OGDH: variants seen among roughly 807,000 people sequenced by gnomAD.
OGDH encodes oxoglutarate dehydrogenase.
Under a neutral mutation model 116.6 loss-of-function variants are expected in OGDH, and 38 were observed. That is an observed-to-expected ratio of 0.33 (90% CI 0.25 to 0.43). OGDH has a LOEUF of 0.43. OGDH is among the 20% of genes least tolerant of loss of function. The pLI is 1.00. For synonymous variants in OGDH, 488 were observed against 533.3 expected, an observed-to-expected ratio of 0.92 and a Z score of 1.17; for missense variants, 825 against 1,357.2, an observed-to-expected ratio of 0.61 and a Z score of 6.16.
chr7:44,628,980 T>C (rs1284553836), intron 2 of OGDH, among the ~76,000 whole-genome samples: 1 of 152,196 alleles, frequency 6.6e-6, no homozygotes, highest in Non-Finnish European at 1.5e-5. Context: ...TCTGTTCTAG[T>C]CTGGCATTTG....
chr7:44,694,362 A>C lies in OGDH; in HGVS notation c.1516-62A>C. On this transcript the variant is annotated intron_variant, in intron 11 of 22. Coordinates refer to ENST00000222673, the MANE Select transcript of OGDH (RefSeq NM_002541.4). The surrounding 1 kb of genome is among the most constrained non-coding windows in gnomAD (Gnocchi z 4.2). ...CTAGGAGAGATGGGGCAGGTGCCTG[A>C]ACAGCACTTCTTCCCAAGGGGCCAG... The C allele has an allele frequency of 6.3e-7, 1 of 1,593,250 alleles. No individual in the cohort carries two copies. Among genetic ancestry groups the C allele is most frequent in the Non-Finnish European group, 8.5e-7 (1 of 1,169,876 alleles).
intron 1 of OGDH, among the ~76,000 whole-genome samples, chr7:44,617,387 C>G (rs1784847398): frequency 2.0e-5 from 3 of 152,086 alleles, no homozygotes. Flanking sequence ...CACGTGGTCT[C>G]TGTTGGCCCA....
intron 2 of OGDH, among the ~76,000 whole-genome samples, chr7:44,643,265 T>C (rs1786030348): frequency 6.6e-6 from 1 of 152,168 alleles, no homozygotes; most frequent in African/African-American, 2.4e-5. Context: ...CACATGCTAC[T>C]ACACCCAGCT....
intron 1 of OGDH, among the ~76,000 whole-genome samples, chr7:44,619,801 A>G (rs1413338368): frequency 6.6e-6 from 1 of 152,016 alleles, no homozygotes; most frequent in Non-Finnish European, 1.5e-5. Flanking sequence ...TTGCTGTGTT[A>G]TATGGTGACT....
intron 1 of OGDH, among the ~76,000 whole-genome samples, chr7:44,616,806 TGC>T (rs1562610855): frequency 1.2e-5 from 1 of 80,844 alleles, no homozygotes; most frequent in Non-Finnish European, 2.6e-5. Flanking sequence ...TGTATATATA[TGC>T]ATATATACGT....
intron 18 of OGDH, among the ~76,000 whole-genome samples, chr7:44,699,545 A>G (rs946656035): frequency 4.6e-5 from 7 of 152,028 alleles, no homozygotes; most frequent in African/African-American, 1.7e-4. Context: ...GCTGGGCAAT[A>G]GCTTTCAGAG....
rs187726998 is a variant in OGDH at position 44,658,738 on chromosome 7, C to T, written c.518-7998C>T. 2.0e-5 allele frequency among the ~76,000 whole-genome samples: 3 copies of T among 152,030 alleles called. No homozygotes were observed. In the East Asian group the frequency reaches 5.8e-4, roughly 29 times the overall value. Reference sequence around the variant, plus strand: ...TGCTCTTTATCAAGCTGAGGAAGTTCCTCTGTATTCATATTTTTTCTGATA... The same window carrying T: ...TGCTCTTTATCAAGCTGAGGAAGTTTCTCTGTATTCATATTTTTTCTGATA... On this transcript the variant is annotated intron_variant, in intron 4 of 22. Transcript: ENST00000222673.
intron 10 of OGDH, among the ~76,000 whole-genome samples, chr7:44,682,121 G>A (rs572352441): frequency 1.6e-4 from 25 of 152,270 alleles, no homozygotes; most frequent in African/African-American, 6.0e-4. Context: ...GTGGCCGGGT[G>A]CAGTGGCTCA....
chr7:44,645,581 GGGCCCTATT>G (rs1786137720), intron 3 of OGDH, 63 bp downstream of exon 3: 1 of 1,487,014 alleles, frequency 6.7e-7, no homozygotes, highest in South Asian at 1.2e-5. Flanking sequence ...CATGCCTCAT[GGGCCCTATT>G]GGCCTTTCTG....
chr7:44,697,122 G>A lies in OGDH; in HGVS notation c.2051+58G>A. The A allele has an allele frequency of 1.3e-6, 2 of 1,575,662 alleles. No homozygotes were observed. Among genetic ancestry groups the A allele is most frequent in the South Asian group, 1.1e-5 (1 of 88,038 alleles). ...AAGAGTAGAAGATGGAAAGGGAGGGGTTCTGGTGTTTCTTTTCCGGAAGAC... is the reference window on the plus strand; with the variant it reads ...AAGAGTAGAAGATGGAAAGGGAGGGATTCTGGTGTTTCTTTTCCGGAAGAC... On this transcript the variant is annotated intron_variant, in intron 15 of 22. Transcript: ENST00000222673. This position sits in a 1 kb window ranked among gnomAD's most constrained non-coding sequence, Gnocchi z 6.0.
At position 44,694,024 on chromosome 7, in the gene OGDH, G is replaced by A. The variant is rs1788476511; in HGVS notation, c.1515+20G>A. 3.7e-6 allele frequency: 6 copies of A among 1,602,016 alleles called. No individual in the cohort carries two copies. The highest frequency in any genetic ancestry group is 4.3e-6 in the Non-Finnish European group (5 of 1,171,418). On this transcript the variant is annotated intron_variant, in intron 11 of 22. Coordinates refer to ENST00000222673, the MANE Select transcript of OGDH (RefSeq NM_002541.4). The surrounding 1 kb of genome is among the most constrained non-coding windows in gnomAD (Gnocchi z 4.2). ...GATTTGGTGAGTGACTCTGGGGACA[G>A]CACGTCCTGGGCAGAGCATCTGACC...
chr7:44,689,138 G>C lies in OGDH; in HGVS notation c.1336-4687G>C, dbSNP rs115195254. Reference sequence around the variant, plus strand: ...GTGGTATCTCTGTGTTCAACTTTTTGTGGAAATCTCAGACTGTTTCAAAGT... The same window carrying C: ...GTGGTATCTCTGTGTTCAACTTTTTCTGGAAATCTCAGACTGTTTCAAAGT... On this transcript the variant is annotated intron_variant, in intron 10 of 22. Coordinates refer to ENST00000222673, the MANE Select transcript of OGDH (RefSeq NM_002541.4). 3.6e-3 allele frequency among the ~76,000 whole-genome samples: 537 copies of C among 150,174 alleles called. 5 individuals are homozygous for C. Among genetic ancestry groups the C allele is most frequent in the African/African-American group, 0.013 (521 of 40,816 alleles).
In OGDH at chr7:44,696,105, C is replaced by G; in HGVS notation, c.1749C>G (p.His583Gln). ...ATGAGAAGATCTTGCACATTAAGCACTGGCTGGACTCTCCCTGGCCTGGTG... is the reference window on the plus strand; with the variant it reads ...ATGAGAAGATCTTGCACATTAAGCAGTGGCTGGACTCTCCCTGGCCTGGTG... ...SKDEKILHIK[H>Q]WLDSPWPGFF... is the part of the protein sequence containing the mutation. The change falls in exon 13 of 23, where the codon CAC (histidine) becomes CAG (glutamine). Residue 583 changes from histidine to glutamine, a missense_variant. This residue lies in a region of OGDH where 92 missense variants were observed against 129.7 expected (regional missense o/e 0.71). Transcript: ENST00000222673. 6.2e-7 allele frequency: 1 copy of G among 1,609,706 alleles called. No homozygotes were observed. The highest frequency in any genetic ancestry group is 8.5e-7 in the Non-Finnish European group (1 of 1,175,938).
At chr7:44,676,195 T>A in intron 9 of OGDH, 46 bp downstream of exon 9, 1 of 1,613,880 alleles carries the variant, frequency 6.2e-7, no homozygotes, top group Non-Finnish European at 8.5e-7. Flanking sequence ...CAAGGCCCCA[T>A]GTTCCAGCAT....
chr7:44,629,456 T>G (rs1214025304), intron 2 of OGDH, among the ~76,000 whole-genome samples: 1 of 152,248 alleles, frequency 6.6e-6, no homozygotes, highest in Non-Finnish European at 1.5e-5. Context: ...CACAGCTTGC[T>G]TTGTACCTCA....
At position 44,624,956 on chromosome 7, in the gene OGDH, G is replaced by A. The variant is rs372078619; in HGVS notation, c.222+391G>A. ...ATACTTTCATTTGTAACATGCCGTA[G>A]TCACCTCATGTAATTTCTGTATGAA... On this transcript the variant is annotated intron_variant, in intron 2 of 22. Transcript: ENST00000222673. 1.8e-4 allele frequency among the ~76,000 whole-genome samples: 27 copies of A among 152,322 alleles called. No individual in the cohort carries two copies. The South Asian group carries it at 5.6e-3, about 32-fold the overall frequency.
chr7:44,632,703 C>T (rs1385954263), intron 2 of OGDH, among the ~76,000 whole-genome samples: 3 of 151,920 alleles, frequency 2.0e-5, no homozygotes, highest in South Asian at 2.1e-4. Flanking sequence ...CTGCAACCTC[C>T]GCCTCCCCGG....
chr7:44,639,513 A>G (rs1785832679), intron 2 of OGDH, among the ~76,000 whole-genome samples: 1 of 152,256 alleles, frequency 6.6e-6, no homozygotes, highest in African/African-American at 2.4e-5. Context: ...TTTTGAATAA[A>G]TAAACTTTTT....
At chr7:44,689,402 T>TTC (rs1788278914) in intron 10 of OGDH, among the ~76,000 whole-genome samples, 1 of 138,564 alleles carries the variant, frequency 7.2e-6, no homozygotes, top group Non-Finnish European at 1.6e-5. Flanking sequence ...CTTTTTTTTT[T>TTC]TTTTTTTTTT....
Sources: gnomAD v4.1 joint callset for allele counts (sites outside exome capture counted in the v4.1 genomes callset) on GRCh38, gnomAD v4.1.1 for gene constraint, gnomAD v4.1.1 regional missense constraint, Gnocchi (gnomAD v3.1) non-coding constraint, MANE v1.5 for transcripts, NCBI Gene and HGNC (gene_info 2026-07-23, HGNC 2026-07-21) for gene names.